GALC: variants seen among roughly 807,000 people sequenced by gnomAD.
The protein encoded by GALC is galactosylceramidase.
GALC carries 77 observed loss-of-function variants against 91.8 expected under a neutral mutation model. That is an observed-to-expected ratio of 0.84 (90% confidence interval 0.70 to 1.01). The LOEUF (loss-of-function observed/expected upper bound fraction) is 1.01. Among genes scored for constraint, GALC ranks in the 50% least tolerant of loss-of-function variants. The pLI is 0.00. For synonymous variants in GALC, 357 were observed against 306.7 expected (o/e 1.16, Z -1.71); for missense variants, 882 against 855.9 (o/e 1.03, Z -0.38).
chr14:87,949,042 G>A (rs1885196261), intron 12 of GALC, among the ~76,000 whole-genome samples: 2 of 151,980 alleles, frequency 1.3e-5, no homozygotes, highest in Admixed American at 6.6e-5. Flanking sequence ...GTCCAGTGGT[G>A]CAGGAAAAGC....
intron 10 of GALC, among the ~76,000 whole-genome samples, chr14:87,956,898 C>G (rs1307437552): frequency 6.6e-6 from 1 of 151,878 alleles, no homozygotes; most frequent in African/African-American, 2.4e-5. Flanking sequence ...GATAAGCATT[C>G]TCTTTTCACC....
At chr14:87,968,236 T>C (rs1886135934) in intron 8 of GALC, 99 bp downstream of exon 8, 13 of 993,278 alleles carry the variant, frequency 1.3e-5, no homozygotes, top group Non-Finnish European at 2.0e-5. Flanking sequence ...TTACAATCAT[T>C]GAATCTAGGC....
intron 3 of GALC, among the ~76,000 whole-genome samples, 175 bp from the exon 4 acceptor site, chr14:87,986,777 T>C (rs1455224202): frequency 6.9e-6 from 1 of 144,750 alleles, no homozygotes; most frequent in Non-Finnish European, 1.5e-5. Context: ...GATAAAAGCA[T>C]ATCATTTCAT....
chr14:87,962,348 C>G, intron 10 of GALC, among the ~76,000 whole-genome samples: 1 of 148,654 alleles, frequency 6.7e-6, no homozygotes, highest in African/African-American at 2.5e-5. Context: ...TCTTTTTACA[C>G]CCTCTTTTGA....
At chr14:87,958,217 CAT>C (rs1036018291) in intron 10 of GALC, among the ~76,000 whole-genome samples, 10 of 152,074 alleles carry the variant, frequency 6.6e-5, no homozygotes, top group African/African-American at 9.7e-5. Context: ...AGTGTTGTGA[CAT>C]GTGTGCTAAT....
intron 13 of GALC, among the ~76,000 whole-genome samples, chr14:87,946,376 T>C (rs996160606): frequency 1.3e-5 from 2 of 152,092 alleles, no homozygotes; most frequent in Non-Finnish European, 2.9e-5. Flanking sequence ...CAATAATGAA[T>C]GCTGTAGAGG....
In GALC at chr14:87,934,755, A is replaced by G. The variant is rs779202612; in HGVS notation, c.2035T>C (p.Phe679Leu). ...TATTAGCGTGTGGCTTCCACAAGAA[A>G]GTTGTCAAACTGTGCAAATTCAAAG... ...HSFEFAQFDN[F>L]LVEATR is the part of the protein sequence containing the mutation. The change falls in exon 17 of 17, where the codon TTT (phenylalanine) becomes CTT (leucine). Residue 679 changes from phenylalanine to leucine, a missense_variant. Transcript: ENST00000261304. 2.9e-5 allele frequency: 47 copies of G among 1,613,198 alleles called. No homozygotes were observed. The highest frequency in any genetic ancestry group is 3.8e-5 in the Non-Finnish European group (45 of 1,179,496).
At chr14:87,936,482 G>C (rs1884573813) in intron 16 of GALC, among the ~76,000 whole-genome samples, 2 of 151,340 alleles carry the variant, frequency 1.3e-5, no homozygotes, top group Non-Finnish European at 2.9e-5. Context: ...AGCCGAACTG[G>C]GTAGCCACAG....
intron 1 of GALC, among the ~76,000 whole-genome samples, chr14:87,991,979 T>C (rs1887218938): frequency 6.6e-6 from 1 of 152,186 alleles, no homozygotes; most frequent in Non-Finnish European, 1.5e-5. Context: ...ATGCATTAAC[T>C]CATCGGCCCA....
chr14:87,937,287 T>TAGC (rs956588083), intron 16 of GALC, among the ~76,000 whole-genome samples: 7 of 11,940 alleles, frequency 5.9e-4, no homozygotes, highest in African/African-American at 6.7e-4. Flanking sequence ...GCTTATATTC[T>TAGC]AGTAGGAGAT....
At position 87,988,176 on chromosome 14, in the gene GALC, T is replaced by G; in HGVS notation, c.296A>C (p.Lys99Thr). Residue 99 changes from lysine (K) to threonine (T), a missense_variant, in exon 3 of 17, where the codon AAA becomes ACA. Coordinates refer to ENST00000261304, the MANE Select transcript of GALC (RefSeq NM_000153.4). ...PNFGASLHIL[K>T]VEIGGDGQTT... The stretch of plus-strand genomic sequence containing the variant: ...CTGCCCATCACCACCTATTTCCACT[T>G]TTAAAATATGCAAAGAGGCACCAAA... 2 of 1,613,812 alleles carry G rather than the reference T, an allele frequency of 1.2e-6. No individual in the cohort carries two copies. The highest frequency in any genetic ancestry group is 1.7e-6 in the Non-Finnish European group (2 of 1,179,866).
chr14:87,966,939 T>G (rs1054138392), intron 8 of GALC, among the ~76,000 whole-genome samples: 9 of 152,182 alleles, frequency 5.9e-5, no homozygotes, highest in Non-Finnish European at 1.0e-4. Context: ...TCCCAACTTG[T>G]GTGGCATCAG....
rs1566963574 is a variant in GALC, at chr14:87,934,881, A to G, written c.1912-3T>C. 5 of 1,597,046 alleles carry G rather than the reference A, an allele frequency of 3.1e-6. No homozygotes were observed. The highest frequency in any genetic ancestry group is 2.7e-5 in the African/African-American group (2 of 74,606). ...AGCATGCCAGAGGTGAAATGACCCT[A>G]GAGTAGAAAGAAACACATTCCTTGA... On this transcript the variant is annotated splice_polypyrimidine_tract_variant and splice_region_variant and intron_variant, in intron 16 of 16. Transcript: ENST00000261304.
chr14:87,941,469 A>C lies in GALC; in HGVS notation c.1760T>G (p.Ile587Ser). ...AATTCCTCTGGCACTTCTAATCAAA[A>C]TACCACCTTTATTTACTCTTCCTGC... ...FIAGRVNKGG[I>S]LIRSARGIFF... Residue 587 changes from isoleucine (I) to serine (S), a missense_variant, in exon 15 of 17, where the codon ATT (isoleucine) becomes AGT (serine). By Grantham distance (142) the Ile-to-Ser change is moderately radical. Transcript: ENST00000261304. 6.2e-7 allele frequency: 1 copy of C among 1,606,700 alleles called. No homozygotes were observed. The highest frequency in any genetic ancestry group is 8.5e-7 in the Non-Finnish European group (1 of 1,173,660).
chr14:87,992,644 T>C (rs1257421063), intron 1 of GALC: 3 of 1,443,558 alleles, frequency 2.1e-6, no homozygotes, highest in Non-Finnish European at 2.7e-6. Flanking sequence ...AGACAGCCTG[T>C]GCCCCACTGC....
chr14:87,948,554 T>G (rs577967819), intron 12 of GALC, among the ~76,000 whole-genome samples: 1 of 152,086 alleles, frequency 6.6e-6, no homozygotes, highest in African/African-American at 2.4e-5. Flanking sequence ...AGTTGTTCTA[T>G]GCTAAATGTA....
rs1884429467 is a variant in GALC, at chr14:87,933,110, GA to G, written c.*1621del. Reference sequence around the variant, plus strand: ...ACAATGGAAAACTCTTCAGAAATAAGAAGGAACAAACCACTGAATCACACAA... The same window carrying G: ...ACAATGGAAAACTCTTCAGAAATAAGAGGAACAAACCACTGAATCACACAA... On this transcript the variant is annotated 3_prime_UTR_variant, in exon 17 of 17. Transcript: ENST00000261304. 1 of 152,122 alleles carries G rather than the reference GA, an allele frequency of 6.6e-6. No homozygotes were observed. Among genetic ancestry groups the G allele is most frequent in the Non-Finnish European group, 1.5e-5 (1 of 68,010 alleles). 9.4% of individuals were successfully genotyped at this position (152,122 alleles called of 1,614,324 possible).
chr14:87,960,086 G>T (rs898856957), intron 10 of GALC, among the ~76,000 whole-genome samples: 2 of 152,126 alleles, frequency 1.3e-5, no homozygotes, highest in Non-Finnish European at 2.9e-5. Context: ...AAGAAGAGTT[G>T]ATATCACAGA....
chr14:87,937,804 A>G (rs917930192), intron 16 of GALC, among the ~76,000 whole-genome samples: 1 of 151,922 alleles, frequency 6.6e-6, no homozygotes, highest in Non-Finnish European at 1.5e-5. Flanking sequence ...TAAAATTACT[A>G]AAACAAACCT....
Sources: allele counts gnomAD v4.1 joint callset (sites outside exome capture counted in the v4.1 genomes callset), GRCh38; gene constraint gnomAD v4.1.1; transcripts MANE v1.5; gene names NCBI Gene and HGNC (gene_info 2026-07-23, HGNC 2026-07-21).